Variants in CHL1 observed in about 807,000 individuals in gnomAD.
CHL1 encodes the protein cell adhesion molecule L1 like, also known as neural cell adhesion molecule L1-like protein.
In CHL1, 96 loss-of-function variants were observed where a neutral mutation model predicts 141.9. The ratio of observed to expected loss-of-function variants is 0.68; its 90% confidence interval spans 0.57 to 0.80. The LOEUF (loss-of-function observed/expected upper bound fraction) is 0.80, where lower values mean the gene tolerates loss of function less well. CHL1 is among the 30% of genes least tolerant of loss of function. The pLI is 0.00. For missense variants in CHL1, 1,820 were observed against 1,457.2 expected, an observed-to-expected ratio of 1.25 and a Z score of -4.05; for synonymous variants, 613 against 502.2, an observed-to-expected ratio of 1.22 and a Z score of -2.95.
In CHL1 at chr3:340,787, A is replaced by C. The variant is rs1046695197; in HGVS notation, c.386-7A>C. 6.3e-7 allele frequency: 1 copy of C among 1,599,452 alleles called. No homozygotes were observed. The highest frequency in any genetic ancestry group is 1.3e-5 in the African/African-American group (1 of 74,354). On this transcript the variant is annotated splice_region_variant and splice_polypyrimidine_tract_variant and intron_variant, in intron 5 of 27. Coordinates refer to ENST00000256509, the MANE Select transcript of CHL1 (RefSeq NM_006614.4). ...AAATAACACATTAAAATGATTTTTT[A>C]CACCAGGTGTTCCAAAATTCCCAAA... is the stretch of plus-strand genomic sequence containing the variant.
At chr3:278,806 T>C (rs906420985) in intron 2 of CHL1, among the ~76,000 whole-genome samples, 1 of 152,190 alleles carries the variant, frequency 6.6e-6, no homozygotes, top group Admixed American at 6.5e-5. Context: ...AGTCTGCACA[T>C]CTCACACAGG....
At position 399,299 on chromosome 3, in the gene CHL1, G is replaced by A. The variant is rs552090286; in HGVS notation, c.3385+151G>A. ...AATGCACTGACAGGAAAAACGTATT[G>A]CTAAATTAACCAAAGAAAATATGTA... On this transcript the variant is annotated intron_variant, in intron 26 of 27. Transcript: ENST00000256509. The A allele has an allele frequency of 3.7e-5, 23 of 625,442 alleles. No homozygotes were observed. In the African/African-American group the frequency reaches 3.9e-4, roughly 11 times the overall value. The allele number at this position is 625,442 out of a possible 1,614,324, so 38.7% of individuals were successfully genotyped here.
intron 9 of CHL1, among the ~76,000 whole-genome samples, chr3:347,975 T>G (rs1702907584): frequency 6.6e-6 from 1 of 152,216 alleles, no homozygotes; most frequent in Admixed American, 6.5e-5. Context: ...CAATTTTTTT[T>G]GCATAAATAA....
At chr3:279,096 T>C (rs1284003641) in intron 2 of CHL1, among the ~76,000 whole-genome samples, 1 of 152,116 alleles carries the variant, frequency 6.6e-6, no homozygotes, top group African/African-American at 2.4e-5. Context: ...CTTAGAAAAA[T>C]AGATTAATGG....
chr3:405,867 T>G lies in CHL1; in HGVS notation c.*156T>G. On this transcript the variant is annotated 3_prime_UTR_variant, in exon 28 of 28. Coordinates refer to ENST00000256509, the MANE Select transcript of CHL1 (RefSeq NM_006614.4). ...CAATTATGTTGAAAAGAGTAGTACT[T>G]TCTTCAAAATATAAAATGCCAAGCA... 1.7e-6 allele frequency: 1 copy of G among 597,728 alleles called. No individual in the cohort carries two copies. The highest frequency in any genetic ancestry group is 3.0e-6 in the Non-Finnish European group (1 of 338,938). 37.0% of individuals were successfully genotyped at this position (597,728 alleles called of 1,614,324 possible).
At chr3:218,767 T>C (rs1276720232) in intron 1 of CHL1, among the ~76,000 whole-genome samples, 1 of 151,962 alleles carries the variant, frequency 6.6e-6, no homozygotes, top group Non-Finnish European at 1.5e-5. Flanking sequence ...AAAGGAAAAA[T>C]GGGCAAAGAA....
At chr3:344,774 C>G in intron 9 of CHL1, 65 bp downstream of exon 9, 1 of 1,432,210 alleles carries the variant, frequency 7.0e-7, no homozygotes, top group Non-Finnish European at 9.5e-7. Context: ...AGACATCAAG[C>G]ACATTAAGAC....
intron 15 of CHL1, 129 bp downstream of exon 15, chr3:366,244 G>GA: frequency 1.2e-6 from 1 of 805,638 alleles, no homozygotes; most frequent in Non-Finnish European, 2.0e-6. Context: ...ACCGAGGCGA[G>GA]TGGATCACTT....
chr3:319,711 A>G lies in CHL1; in HGVS notation c.-66A>G. The G allele has an allele frequency of 9.5e-7, 1 of 1,057,254 alleles. No individual in the cohort carries two copies. The highest frequency in any genetic ancestry group is 1.4e-6 in the Non-Finnish European group (1 of 693,698). The allele number at this position is 1,057,254 out of a possible 1,614,324, so 65.5% of individuals were successfully genotyped here. A position where few individuals can be genotyped will look rare whatever the true frequency, so the allele number is the denominator to read the frequency against. On this transcript the variant is annotated 5_prime_UTR_variant, in exon 3 of 28. Transcript: ENST00000256509. ...CCAGGTTAACTAAGGTCTCAGCTGT[A>G]AACCAAAAGTGAGAGGAGACATTAA...
At chr3:348,332 C>A (rs1174302059) in intron 9 of CHL1, among the ~76,000 whole-genome samples, 1 of 152,140 alleles carries the variant, frequency 6.6e-6, no homozygotes, top group Admixed American at 6.5e-5. Context: ...CCTACAGCTA[C>A]TAATAACAAG....
At chr3:308,761 C>A in intron 2 of CHL1, 1 of 154,144 alleles carries the variant, frequency 6.5e-6, no homozygotes. Context: ...AGCTCCAGTT[C>A]CTTGCACTCT....
At chr3:289,683 A>G (rs1346855494) in intron 2 of CHL1, among the ~76,000 whole-genome samples, 2 of 151,984 alleles carry the variant, frequency 1.3e-5, no homozygotes, top group Non-Finnish European at 2.9e-5. Flanking sequence ...TACATATTGT[A>G]TGCTCATTAA....
intron 15 of CHL1, among the ~76,000 whole-genome samples, chr3:371,110 C>T (rs1404857878): frequency 6.6e-6 from 1 of 152,084 alleles, no homozygotes; most frequent in Non-Finnish European, 1.5e-5. Flanking sequence ...CTGTAGATGT[C>T]TATTAGGTCT....
At chr3:242,241 T>G (rs1203601811) in intron 1 of CHL1, among the ~76,000 whole-genome samples, 1 of 152,176 alleles carries the variant, frequency 6.6e-6, no homozygotes, top group Non-Finnish European at 1.5e-5. Context: ...TAAAGGATGG[T>G]CTGTGCATCT....
chr3:307,056 T>C (rs185899432), intron 2 of CHL1, among the ~76,000 whole-genome samples: 4 of 152,320 alleles, frequency 2.6e-5, no homozygotes, highest in East Asian at 3.9e-4. Flanking sequence ...AATGATTCCA[T>C]ATAGAAAGTT....
At chr3:388,171 G>T (rs997585548) in intron 19 of CHL1, among the ~76,000 whole-genome samples, 1 of 152,002 alleles carries the variant, frequency 6.6e-6, no homozygotes, top group African/African-American at 2.4e-5. Context: ...TAAACAGGCA[G>T]TTTAAACCAC....
chr3:264,481 A>C (rs1271336954), intron 2 of CHL1, among the ~76,000 whole-genome samples: 1 of 152,210 alleles, frequency 6.6e-6, no homozygotes, highest in Non-Finnish European at 1.5e-5. Context: ...CGCCTCTTTA[A>C]GAAATAGCAG....
chr3:361,237 C>T (rs1009786350), intron 12 of CHL1, among the ~76,000 whole-genome samples: 2 of 150,412 alleles, frequency 1.3e-5, no homozygotes, highest in African/African-American at 2.4e-5. Context: ...GGATTAAAGA[C>T]TTAAACGTTA....
At chr3:302,312 A>G (rs1698825884) in intron 2 of CHL1, among the ~76,000 whole-genome samples, 1 of 152,184 alleles carries the variant, frequency 6.6e-6, no homozygotes, top group Admixed American at 6.5e-5. Context: ...ATCCTTAAGG[A>G]ATTGCCACAC....
Sources: allele counts gnomAD v4.1 joint callset (sites outside exome capture counted in the v4.1 genomes callset), GRCh38; gene constraint gnomAD v4.1.1; transcripts MANE v1.5; gene names NCBI Gene and HGNC (gene_info 2026-07-23, HGNC 2026-07-21).